Variants in DEPDC1 observed in about 807,000 individuals in gnomAD.
DEPDC1 encodes DEP domain-containing protein 1A.
Under a neutral mutation model 86.8 loss-of-function variants are expected in DEPDC1, and 66 were observed. That is an observed-to-expected ratio of 0.76 (90% CI 0.62 to 0.93). The LOEUF (loss-of-function observed/expected upper bound fraction) is 0.93. Ranked by LOEUF, DEPDC1 falls within the 40% of genes least tolerant of loss-of-function variation. DEPDC1 has a pLI of 0.00. For missense variants in DEPDC1, 792 were observed against 935.7 expected, an observed-to-expected ratio of 0.85 and a Z score of 2.00; for synonymous variants, 255 against 314.9, an observed-to-expected ratio of 0.81 and a Z score of 2.02.
In DEPDC1 at chr1:68,483,119, A is replaced by C; in HGVS notation, c.911-222T>G. 5 of 566,296 alleles carry C rather than the reference A, an allele frequency of 8.8e-6. No individual in the cohort carries two copies. The South Asian group carries it at 1.0e-4, about 11-fold the overall frequency. 35.1% of individuals were successfully genotyped at this position (566,296 alleles called of 1,614,324 possible). On this transcript the variant is annotated intron_variant, in intron 7 of 11. Coordinates refer to ENST00000456315, the MANE Select transcript of DEPDC1 (RefSeq NM_001114120.3). ...TGAGTGGTTTTCCCATTTGTAATATAACTTTAAAAAATTATTTCAACAGCC... is the reference window on the plus strand; with the variant it reads ...TGAGTGGTTTTCCCATTTGTAATATCACTTTAAAAAATTATTTCAACAGCC...
chr1:68,496,764 AG>A lies in DEPDC1; in HGVS notation c.48+187del. 1 of 571,238 alleles carries A rather than the reference AG, an allele frequency of 1.8e-6. No homozygotes were observed. The allele number at this position is 571,238 out of a possible 1,614,324, so 35.4% of individuals were successfully genotyped here. ...CCTGAGGCCCAGACCCTCAAAATAG[AG>A]GGAGCGGTGAGTCTGGCAAGGGTTG... On this transcript the variant is annotated intron_variant, in intron 1 of 11. Coordinates refer to ENST00000456315, the MANE Select transcript of DEPDC1 (RefSeq NM_001114120.3). The surrounding 1 kb of genome is among the most constrained non-coding windows in gnomAD (Gnocchi z 4.0).
intron 4 of DEPDC1, 44 bp from the exon 5 acceptor site, chr1:68,488,548 AT>A: frequency 6.7e-7 from 1 of 1,494,226 alleles, no homozygotes; most frequent in Non-Finnish European, 9.1e-7. Context: ...TCATAAATAG[AT>A]TATACATATG....
At chr1:68,487,775 C>A (rs113026289) in intron 5 of DEPDC1, among the ~76,000 whole-genome samples, 1 of 151,830 alleles carries the variant, frequency 6.6e-6, no homozygotes, top group Non-Finnish European at 1.5e-5. Context: ...TTTATGGATA[C>A]CTTTCTCATA....
At chr1:68,477,168 C>T (rs930746398) in intron 11 of DEPDC1, 99 bp from the exon 12 acceptor site, 38 of 1,006,840 alleles carry the variant, frequency 3.8e-5, no homozygotes, top group Admixed American at 9.7e-5. Context: ...TTCTCAAAGA[C>T]GTAGTATAGA....
At chr1:68,495,170 GCTTT>G (rs1646257100) in intron 1 of DEPDC1, among the ~76,000 whole-genome samples, 1 of 151,872 alleles carries the variant, frequency 6.6e-6, no homozygotes, top group African/African-American at 2.4e-5. Context: ...ATCTTACACT[GCTTT>G]CTTTTTATTA....
rs1283839657 is a variant in DEPDC1 at position 68,476,482 on chromosome 1, TTTCA to T, written c.*446_*449del. On this transcript the variant is annotated 3_prime_UTR_variant, in exon 12 of 12. Transcript: ENST00000456315. ...TGCAACATTTGGCAGCTGAGAATTA[TTTCA>T]TTGAGTTTTCAAATATTCTTCACAT... 6.6e-6 allele frequency: 1 copy of T among 152,024 alleles called. No individual in the cohort carries two copies. The highest frequency in any genetic ancestry group is 1.5e-5 in the Non-Finnish European group (1 of 67,936). 9.4% of individuals were successfully genotyped at this position (152,024 alleles called of 1,614,324 possible). A position where few individuals can be genotyped will look rare whatever the true frequency, so the allele number is the denominator to read the frequency against.
rs547965238 is a variant in DEPDC1, at chr1:68,475,746, A to T, written c.*1186T>A. ...AGAACCTTGTTTTAAGATGAGAGTC[A>T]TTTATACTTGGCAGGCATTTTCTTC... On this transcript the variant is annotated 3_prime_UTR_variant, in exon 12 of 12. Transcript: ENST00000456315. The T allele has an allele frequency of 6.6e-6, 1 of 151,936 alleles. No homozygotes were observed. The highest frequency in any genetic ancestry group is 2.4e-5 in the African/African-American group (1 of 41,442). The allele number at this position is 151,936 out of a possible 1,614,324, so 9.4% of individuals were successfully genotyped here.
Position 68,474,318 on chromosome 1 carries a change from A to C in DEPDC1, c.*2614T>G, listed in dbSNP as rs1337088073. On this transcript the variant is annotated 3_prime_UTR_variant, in exon 12 of 12. Coordinates refer to ENST00000456315, the MANE Select transcript of DEPDC1 (RefSeq NM_001114120.3). ...AGGTAGATACTTTAATTCACATTTT[A>C]CAGATGAGAAGATTCAGAGTTTAAG... The C allele has an allele frequency of 6.6e-6, 1 of 152,126 alleles. No homozygotes were observed. Among genetic ancestry groups the C allele is most frequent in the African/African-American group, 2.4e-5 (1 of 41,448 alleles). The allele number at this position is 152,126 out of a possible 1,614,324, so 9.4% of individuals were successfully genotyped here. A position where few individuals can be genotyped will look rare whatever the true frequency, so the allele number is the denominator to read the frequency against.
At chr1:68,484,853 T>C (rs552600378) in intron 6 of DEPDC1, among the ~76,000 whole-genome samples, 1 of 151,474 alleles carries the variant, frequency 6.6e-6, no homozygotes, top group South Asian at 2.1e-4. Context: ...AGAAATTTAC[T>C]GACCTAGAAA....
In DEPDC1 at chr1:68,494,554, C is replaced by A; in HGVS notation, c.190G>T (p.Gly64Cys). 6.2e-7 allele frequency: 1 copy of A among 1,613,702 alleles called. No homozygotes were observed. Among genetic ancestry groups the A allele is most frequent in the Non-Finnish European group, 8.5e-7 (1 of 1,179,784 alleles). The stretch of plus-strand genomic sequence containing the variant: ...GTCTGTTGCCTTGTAACTTCAGGAC[C>A]AAAATTGCTATTATTTCTTAATAGG... ...YDLLRNNSNF[G>C]PEVTRQQTIQ... The change falls in exon 2 of 12, where the codon GGT becomes TGT. Residue 64 changes from glycine to cysteine, a missense_variant. Physicochemically the swap from Gly to Cys is radical, Grantham distance 159 (BLOSUM62 -3). Transcript: ENST00000456315.
chr1:68,477,045 A>G lies in DEPDC1; in HGVS notation c.2323T>C (p.Tyr775His), dbSNP rs1225502689. The change falls in exon 12 of 12, where the codon TAT becomes CAT. Residue 775 changes from tyrosine (Y) to histidine (H), a missense_variant. Tyr to His is a moderately conservative substitution (Grantham distance 83). Transcript: ENST00000456315. ...KQFQKEYPLI[Y>H]QKRFPTTESE... is the part of the protein sequence containing the mutation. ...TCCGTGGTTGGAAATCTTTTCTGAT[A>G]TATCAAAGGATATTCCTTCTGAAAC... The G allele has an allele frequency of 4.4e-6, 7 of 1,606,466 alleles. No individual in the cohort carries two copies. Among genetic ancestry groups the G allele is most frequent in the Middle Eastern group, 3.5e-4 (2 of 5,784 alleles).
At chr1:68,486,534 A>G (rs1646193735) in intron 6 of DEPDC1, among the ~76,000 whole-genome samples, 1 of 151,992 alleles carries the variant, frequency 6.6e-6, no homozygotes, top group Non-Finnish European at 1.5e-5. Flanking sequence ...TTTTTTCATA[A>G]CATAAAGTCA....
At chr1:68,481,235 C>G (rs2100248468) in intron 9 of DEPDC1, among the ~76,000 whole-genome samples, 1 of 151,978 alleles carries the variant, frequency 6.6e-6, no homozygotes, top group East Asian at 1.9e-4. Context: ...CCAGGATTAA[C>G]ATCAGCATGT....
intron 2 of DEPDC1, among the ~76,000 whole-genome samples, chr1:68,493,411 C>T (rs1264934006): frequency 1.3e-5 from 2 of 151,986 alleles, no homozygotes; most frequent in African/African-American, 4.8e-5. Flanking sequence ...ATTATGCTGA[C>T]CTGTGGGAAT....
chr1:68,481,633 C>CA, intron 8 of DEPDC1, 21 bp from the exon 9 acceptor site: 1 of 1,468,038 alleles, frequency 6.8e-7, no homozygotes, highest in Non-Finnish European at 9.1e-7. Context: ...AAAATACCCC[C>CA]CCAAAAATCA....
rs570085163 is a variant in DEPDC1 at position 68,483,567 on chromosome 1, G to A, written c.910+383C>T. The A allele has an allele frequency of 1.1e-3, 345 of 303,952 alleles. 1 individual carries two copies. Among genetic ancestry groups the A allele is most frequent in the African/African-American group, 6.6e-3 (296 of 44,586 alleles). The allele number at this position is 303,952 out of a possible 1,614,324, so 18.8% of individuals were successfully genotyped here. A position where few individuals can be genotyped will look rare whatever the true frequency, so the allele number is the denominator to read the frequency against. On this transcript the variant is annotated intron_variant, in intron 7 of 11. Transcript: ENST00000456315. The stretch of plus-strand genomic sequence containing the variant: ...TTTCTAGGTTAGTGAACACATGGAT[G>A]TGCTGGGATCACGGCATGACCAGAA...
In DEPDC1 at chr1:68,487,955, T is replaced by C. The variant is rs145632782; in HGVS notation, c.721+419A>G. 1.5e-3 allele frequency among the ~76,000 whole-genome samples: 229 copies of C among 152,052 alleles called. 1 individual carries two copies. The highest frequency in any genetic ancestry group is 9.0e-3 in the Admixed American group (137 of 15,266). On this transcript the variant is annotated intron_variant, in intron 5 of 11. Transcript: ENST00000456315. ...TGTTGTGTTATTACAGTTTTGTATATATGTTTGACTCCTGTTAATTTGTAC... is the reference window on the plus strand; with the variant it reads ...TGTTGTGTTATTACAGTTTTGTATACATGTTTGACTCCTGTTAATTTGTAC...
At chr1:68,486,215 G>A (rs548658774) in intron 6 of DEPDC1, among the ~76,000 whole-genome samples, 1 of 152,094 alleles carries the variant, frequency 6.6e-6, no homozygotes, top group Admixed American at 6.6e-5. Flanking sequence ...AATCATGGGG[G>A]TGTATTTCCC....
chr1:68,487,291 C>T (rs1022500822), intron 5 of DEPDC1, among the ~76,000 whole-genome samples: 1 of 151,882 alleles, frequency 6.6e-6, no homozygotes, highest in African/African-American at 2.4e-5. Flanking sequence ...GATATAAACT[C>T]CACGTTCATT....
Sources: allele counts gnomAD v4.1 joint callset (sites outside exome capture counted in the v4.1 genomes callset), GRCh38; gene constraint gnomAD v4.1.1; non-coding constraint Gnocchi (gnomAD v3.1); transcripts MANE v1.5; gene names NCBI Gene and HGNC (gene_info 2026-07-23, HGNC 2026-07-21).